The following IL13RA1 variants were observed in gnomAD, a reference collection of about 807,000 sequenced individuals.
IL13RA1 encodes interleukin-13 receptor subunit alpha-1.
A neutral mutation model predicts 33.8 loss-of-function variants in IL13RA1; 14 were observed. The observed-to-expected ratio is 0.41, with a 90% CI of 0.27 to 0.65. The LOEUF (loss-of-function observed/expected upper bound fraction) is 0.65, where lower values mean the gene tolerates loss of function less well. Among genes scored for constraint, IL13RA1 ranks in the 30% least tolerant of loss-of-function variants. The probability of loss-of-function intolerance (pLI) is 0.28; values close to 1 mark genes in which losing one functional copy is unlikely to be tolerated. For synonymous variants in IL13RA1, 116 were observed against 115.7 expected, an observed-to-expected ratio of 1.00 and a Z score of -0.02; for missense variants, 313 against 327.0, an observed-to-expected ratio of 0.96 and a Z score of 0.33.
At position 118,793,900 on chromosome X, in the gene IL13RA1, G is replaced by A. The variant is rs770656857; in HGVS notation, c.*2046G>A. ...GTCAGATTGAGGCTGGGAGACAGCC[G>A]TAGTAGATGTTCTACTTTGTTCTGC... On this transcript the variant is annotated 3_prime_UTR_variant, in exon 11 of 11. Transcript: ENST00000371666. The A allele has an allele frequency of 1.2e-4, 14 of 112,025 alleles. No individual in the cohort carries two copies. The highest frequency in any genetic ancestry group is 4.5e-4 in the African/African-American group (14 of 30,892). 9.2% of individuals were successfully genotyped at this position (112,025 alleles called of 1,213,427 possible). A position where few individuals can be genotyped will look rare whatever the true frequency, so the allele number is the denominator to read the frequency against.
rs766339967 is a variant in IL13RA1, at chrX:118,731,690, G to A, written c.88+3964G>A. Among the ~76,000 whole-genome samples, 117 of 112,230 alleles carry A rather than the reference G, an allele frequency of 1.0e-3. 1 individual carries two copies. Among genetic ancestry groups the A allele is most frequent in the African/African-American group, 3.3e-3 (102 of 30,948 alleles). ...GGGCACTATTCTAAGCACATTGCTT[G>A]TATTAACTCATTTAATCCTCATAAT... On this transcript the variant is annotated intron_variant, in intron 1 of 10. Coordinates refer to ENST00000371666, the MANE Select transcript of IL13RA1 (RefSeq NM_001560.3).
chrX:118,745,020 T>C (rs1407474307), intron 2 of IL13RA1, among the ~76,000 whole-genome samples: 2 of 111,805 alleles, frequency 1.8e-5, no homozygotes, highest in Non-Finnish European at 3.8e-5. Flanking sequence ...AAATTTGTAT[T>C]CGAAGCCTTC....
intron 10 of IL13RA1, among the ~76,000 whole-genome samples, chrX:118,777,845 T>C (rs987086778): frequency 1.8e-5 from 2 of 112,017 alleles, no homozygotes; most frequent in Non-Finnish European, 3.8e-5. Flanking sequence ...AATATTATTA[T>C]CATTGTGTAT....
chrX:118,738,977 G>A (rs1343557417), intron 1 of IL13RA1, among the ~76,000 whole-genome samples: 1 of 109,151 alleles, frequency 9.2e-6, no homozygotes, highest in Admixed American at 9.8e-5. Context: ...TAGTAGAGAC[G>A]GTGTTTCGTT....
intron 8 of IL13RA1, among the ~76,000 whole-genome samples, chrX:118,768,387 A>G (rs1443077022): frequency 2.7e-5 from 3 of 112,042 alleles, no homozygotes; most frequent in African/African-American, 9.7e-5. Context: ...TCAAGCTGCA[A>G]TGAGAACTGA....
intron 10 of IL13RA1, among the ~76,000 whole-genome samples, chrX:118,789,904 T>C (rs1251290906): frequency 9.0e-6 from 1 of 111,529 alleles, no homozygotes; most frequent in Non-Finnish European, 1.9e-5. Flanking sequence ...CTTAGTGTCA[T>C]TTATTAAATA....
chrX:118,776,644 A>G (rs2017788214), intron 10 of IL13RA1, 133 bp downstream of exon 10: 1 of 372,722 alleles, frequency 2.7e-6, no homozygotes, highest in East Asian at 4.3e-5. Context: ...TTAAGTATAC[A>G]GTTCAGGCTG....
intron 10 of IL13RA1, among the ~76,000 whole-genome samples, chrX:118,785,020 C>A (rs1603222862): frequency 1.9e-5 from 2 of 104,578 alleles, no homozygotes; most frequent in Non-Finnish European, 2.0e-5. Flanking sequence ...AATTTTAGAT[C>A]TTTTTTTTTT....
intron 10 of IL13RA1, among the ~76,000 whole-genome samples, chrX:118,788,752 C>CT (rs1185766371): frequency 8.9e-6 from 1 of 111,754 alleles, no homozygotes; most frequent in Non-Finnish European, 1.9e-5. Context: ...CATTTCACAG[C>CT]TAAGTATAAG....
chrX:118,779,168 T>G (rs1213400133), intron 10 of IL13RA1, among the ~76,000 whole-genome samples: 2 of 111,838 alleles, frequency 1.8e-5, no homozygotes, highest in African/African-American at 6.5e-5. Flanking sequence ...GCACTTTTCA[T>G]GCACTGCTGG....
In IL13RA1 at chrX:118,749,673, C is replaced by T. The variant is rs780281252; in HGVS notation, c.383C>T (p.Ala128Val). The T allele has an allele frequency of 3.8e-5, 46 of 1,204,408 alleles. 1 individual carries two copies. The highest frequency in any genetic ancestry group is 4.5e-6 in the Non-Finnish European group (4 of 890,231). Residue 128 changes from alanine to valine, a missense_variant, in exon 4 of 11, where the codon GCT (alanine) becomes GTT (valine). Coordinates refer to ENST00000371666, the MANE Select transcript of IL13RA1 (RefSeq NM_001560.3). ...ISPPEGDPES[A>V]VTELQCIWHN... ...GATATTCTAGGTGATCCTGAGTCTGCTGTGACTGAGCTTCAATGCATTTGG... is the reference window on the plus strand; with the variant it reads ...GATATTCTAGGTGATCCTGAGTCTGTTGTGACTGAGCTTCAATGCATTTGG...
intron 6 of IL13RA1, among the ~76,000 whole-genome samples, chrX:118,765,497 A>G (rs2017637983): frequency 9.0e-6 from 1 of 111,531 alleles, no homozygotes; most frequent in African/African-American, 3.3e-5. Flanking sequence ...ATAGCTGTAG[A>G]TGGCACGTTC....
chrX:118,738,559 T>C (rs113051372), intron 1 of IL13RA1, among the ~76,000 whole-genome samples: 24 of 111,933 alleles, frequency 2.1e-4, no homozygotes, highest in Non-Finnish European at 4.3e-4. Context: ...GGTTTCATTC[T>C]TTTTATGGCT....
At chrX:118,738,375 C>T (rs1040968395) in intron 1 of IL13RA1, among the ~76,000 whole-genome samples, 1 of 111,649 alleles carries the variant, frequency 9.0e-6, no homozygotes, top group African/African-American at 3.3e-5. Flanking sequence ...CCACCTCCCT[C>T]CCTCCCTTGT....
Position 118,736,788 on chromosome X carries a change from C to CA in IL13RA1, c.89-4221dup, listed in dbSNP as rs778881990. 8.5e-4 allele frequency among the ~76,000 whole-genome samples: 95 copies of CA among 111,364 alleles called. 1 individual carries two copies. Among genetic ancestry groups the CA allele is most frequent in the South Asian group, 2.2e-3 (6 of 2,692 alleles). On this transcript the variant is annotated intron_variant, in intron 1 of 10. Transcript: ENST00000371666. ...CACCTAGCTAATTTAACCAAACAAA[C>CA]AAAAAAAATTGTTTTGGTGGAGATG...
chrX:118,749,302 A>G (rs1486616179), intron 3 of IL13RA1, among the ~76,000 whole-genome samples: 2 of 112,394 alleles, frequency 1.8e-5, no homozygotes, highest in Admixed American at 9.4e-5. Context: ...AGACAGATAT[A>G]TATAAGGGTT....
chrX:118,746,286 A>AT (rs958072112), intron 2 of IL13RA1, among the ~76,000 whole-genome samples: 5 of 108,745 alleles, frequency 4.6e-5, no homozygotes, highest in East Asian at 2.9e-4. Flanking sequence ...TACCTGGCCA[A>AT]TTTTTTTTTG....
intron 2 of IL13RA1, among the ~76,000 whole-genome samples, chrX:118,745,471 C>T (rs1365601785): frequency 8.9e-6 from 1 of 111,744 alleles, no homozygotes; most frequent in Non-Finnish European, 1.9e-5. Context: ...ACTGTCTTGA[C>T]TGGACCTAAG....
intron 10 of IL13RA1, among the ~76,000 whole-genome samples, chrX:118,779,297 G>T (rs747785226): frequency 1.8e-5 from 2 of 111,287 alleles, no homozygotes; most frequent in East Asian, 2.8e-4. Flanking sequence ...TCCAACAATG[G>T]CACAAGAGTG....
Sources: gnomAD v4.1 joint callset for allele counts (sites outside exome capture counted in the v4.1 genomes callset) on GRCh38, gnomAD v4.1.1 for gene constraint, MANE v1.5 for transcripts, NCBI Gene and HGNC (gene_info 2026-07-23, HGNC 2026-07-21) for gene names.